NELFB: variants seen among roughly 807,000 people sequenced by gnomAD.
The protein encoded by NELFB is negative elongation factor B.
In NELFB, 34 loss-of-function variants were observed where a neutral mutation model predicts 60.2. The observed-to-expected ratio is 0.56, with a 90% CI of 0.43 to 0.75. NELFB has a LOEUF of 0.75. Among genes scored for constraint, NELFB ranks in the 30% least tolerant of loss-of-function variants. The probability of loss-of-function intolerance (pLI) is 0.00; values close to 1 mark genes in which losing one functional copy is unlikely to be tolerated. For synonymous variants in NELFB, 459 were observed against 382.1 expected, an observed-to-expected ratio of 1.20 and a Z score of -2.35; for missense variants, 770 against 831.6, an observed-to-expected ratio of 0.93 and a Z score of 0.91.
Position 137,263,151 on chromosome 9 carries a change from C to T in NELFB, c.856C>T (p.Arg286Trp), listed in dbSNP as rs747787183. ...GCGGAATGTGCACTACTGCACGCTG[C>T]GGGCTGAGCTGCTCATGTCCCTGCA... Residue 286 changes from arginine (R) to tryptophan (W), a missense_variant, in exon 5 of 13, where the codon CGG (arginine) becomes TGG (tryptophan). By Grantham distance (101) the Arg-to-Trp change is moderately radical. Coordinates refer to ENST00000343053, the MANE Select transcript of NELFB (RefSeq NM_015456.5). 8.1e-6 allele frequency: 13 copies of T among 1,613,856 alleles called. No homozygotes were observed. Among genetic ancestry groups the T allele is most frequent in the African/African-American group, 1.3e-5 (1 of 74,900 alleles).
intron 10 of NELFB, among the ~76,000 whole-genome samples, chr9:137,271,450 AG>A (rs1830582919): frequency 6.6e-6 from 1 of 152,206 alleles, no homozygotes; most frequent in African/African-American, 2.4e-5. Context: ...CCCTCCCTGC[AG>A]GGGCCCCGTT....
chr9:137,261,910 A>G lies in NELFB; in HGVS notation c.742-1127A>G, dbSNP rs370182190. Among the ~76,000 whole-genome samples, 24 of 152,130 alleles carry G rather than the reference A, an allele frequency of 1.6e-4. No homozygotes were observed. The East Asian group carries it at 3.7e-3, about 23-fold the overall frequency. ...GGGTAAAGAGTGTGAGCCATCTCCA[A>G]TGATAGGTAAGGTCACGTGGTTCAC... On this transcript the variant is annotated intron_variant, in intron 4 of 12. Coordinates refer to ENST00000343053, the MANE Select transcript of NELFB (RefSeq NM_015456.5).
At chr9:137,260,215 ATG>A (rs1385759848) in intron 4 of NELFB, among the ~76,000 whole-genome samples, 2 of 143,344 alleles carry the variant, frequency 1.4e-5, no homozygotes, top group Admixed American at 7.0e-5. Context: ...ACGCCCAGCT[ATG>A]TTTTTTGTAT....
rs1414168211 is a variant in NELFB at position 137,269,681 on chromosome 9, C to T, written c.1489+2335C>T. ...CTAGCTCAGGGGCATGAGGCCATGG[C>T]CCAGCCCAGTGTGCAGTGGGTGGCA... On this transcript the variant is annotated intron_variant, in intron 10 of 12. Transcript: ENST00000343053. The surrounding 1 kb of genome is among the most constrained non-coding windows in gnomAD (Gnocchi z 5.3). Among the ~76,000 whole-genome samples the T allele has an allele frequency of 6.6e-6, 1 of 152,262 alleles. No individual in the cohort carries two copies. The highest frequency in any genetic ancestry group is 1.5e-5 in the Non-Finnish European group (1 of 68,048).
chr9:137,264,284 G>T lies in NELFB; in HGVS notation c.967G>T (p.Val323Leu). Residue 323 changes from valine (V) to leucine (L), a missense_variant, in exon 6 of 13, where the codon GTG (valine) becomes TTG (leucine). Physicochemically the swap from Val to Leu is conservative, Grantham distance 32. Transcript: ENST00000343053. ...GGACGCCTGCATCCGAGAGCGGTTC[G>T]TGGACAGCAAGAGGGCGCGGGAGCT... The T allele has an allele frequency of 6.2e-7, 1 of 1,604,548 alleles. No individual in the cohort carries two copies. Among genetic ancestry groups the T allele is most frequent in the South Asian group, 1.1e-5 (1 of 88,866 alleles).
intron 10 of NELFB, among the ~76,000 whole-genome samples, chr9:137,271,547 A>G (rs1186868795): frequency 1.3e-5 from 2 of 152,222 alleles, no homozygotes; most frequent in South Asian, 2.1e-4. Context: ...TGTGGGCACG[A>G]ATGCTGTCTT....
intron 4 of NELFB, among the ~76,000 whole-genome samples, chr9:137,257,333 T>C (rs561207531): frequency 6.6e-6 from 1 of 152,230 alleles, no homozygotes; most frequent in Non-Finnish European, 1.5e-5. Context: ...CCCCTACTTT[T>C]TTTCTTTTTC....
intron 6 of NELFB, among the ~76,000 whole-genome samples, chr9:137,265,440 G>A (rs573808208): frequency 7.5e-6 from 1 of 134,026 alleles, no homozygotes; most frequent in South Asian, 2.4e-4. Context: ...CCAGGCTGGA[G>A]TGCAGTGACG....
chr9:137,271,223 G>A (rs1368673694), intron 10 of NELFB, among the ~76,000 whole-genome samples: 1 of 152,274 alleles, frequency 6.6e-6, no homozygotes, highest in African/African-American at 2.4e-5. Flanking sequence ...CATGTGGCCG[G>A]CCAAGGCCCT....
intron 7 of NELFB, 27 bp downstream of exon 7, chr9:137,266,006 T>G: frequency 6.5e-7 from 1 of 1,548,904 alleles, no homozygotes; most frequent in South Asian, 1.1e-5. Context: ...CCAGCAGCTG[T>G]CGGGGCCATG....
chr9:137,256,249 C>T, intron 2 of NELFB, 80 bp from the exon 3 acceptor site: 1 of 1,438,428 alleles, frequency 7.0e-7, no homozygotes, highest in Non-Finnish European at 9.7e-7. Flanking sequence ...GTCCTGGTAG[C>T]TGTTATCTGT....
chr9:137,272,532 C>T lies in NELFB; in HGVS notation c.1657C>T (p.Leu553=). ...GAAGGAGAACGTGCACCGGCACGCG[C>T]TGCGGCTCCTCATTCACCTGCACCC... Residue 553 remains leucine, a synonymous_variant, in exon 12 of 13, where the codon CTG becomes TTG. Coordinates refer to ENST00000343053, the MANE Select transcript of NELFB (RefSeq NM_015456.5). The T allele has an allele frequency of 6.2e-7, 1 of 1,612,456 alleles. No individual in the cohort carries two copies. Among genetic ancestry groups the T allele is most frequent in the Non-Finnish European group, 8.5e-7 (1 of 1,179,668 alleles).
At chr9:137,259,609 T>C (rs1355284030) in intron 4 of NELFB, among the ~76,000 whole-genome samples, 1 of 152,202 alleles carries the variant, frequency 6.6e-6, no homozygotes, top group East Asian at 1.9e-4. Context: ...TCAGTCGGCT[T>C]GGTCGGCTTA....
chr9:137,259,709 T>A (rs1830402755), intron 4 of NELFB, among the ~76,000 whole-genome samples: 2 of 150,892 alleles, frequency 1.3e-5, no homozygotes, highest in Admixed American at 1.3e-4. Context: ...AATTTATTTT[T>A]TATTTTTTTA....
In NELFB at chr9:137,265,896, T is replaced by A; in HGVS notation, c.1060T>A (p.Cys354Ser). The A allele has an allele frequency of 1.2e-6, 2 of 1,613,020 alleles. No homozygotes were observed. The highest frequency in any genetic ancestry group is 1.7e-6 in the Non-Finnish European group (2 of 1,179,780). The stretch of plus-strand genomic sequence containing the variant: ...TTCCAGGGACCTGTCCATGATCCTG[T>A]GTGACCCCTTCGCCATCAACACGCT... The change falls in exon 7 of 13, where the codon TGT (cysteine) becomes AGT (serine). Residue 354 changes from cysteine (C) to serine (S), a missense_variant. By Grantham distance (112) the Cys-to-Ser change is moderately radical. Coordinates refer to ENST00000343053, the MANE Select transcript of NELFB (RefSeq NM_015456.5).
chr9:137,272,748 C>T (rs574904965), intron 12 of NELFB, 34 bp from the exon 13 acceptor site: 28 of 1,523,360 alleles, frequency 1.8e-5, no homozygotes, highest in East Asian at 7.4e-5. Context: ...CCTGCCCATG[C>T]GCCTCGCCTG....
At chr9:137,262,300 C>T (rs1201161401) in intron 4 of NELFB, among the ~76,000 whole-genome samples, 2 of 152,188 alleles carry the variant, frequency 1.3e-5, no homozygotes, top group Admixed American at 6.5e-5. Flanking sequence ...GTTGTTCCTT[C>T]ACATTTTTCG....
Position 137,264,423 on chromosome 9 carries a change from G to A in NELFB, c.1040+66G>A, listed in dbSNP as rs1192503641. On this transcript the variant is annotated intron_variant, in intron 6 of 12. Transcript: ENST00000343053. ...TGCGTGCATCCGGTCTGCGCTTGCT[G>A]TGTTTTGCCGTGGGTAGCAGGCGTT... is the stretch of plus-strand genomic sequence containing the variant. The A allele has an allele frequency of 3.5e-6, 4 of 1,142,366 alleles. No homozygotes were observed. In the East Asian group the frequency reaches 7.7e-5, roughly 22 times the overall value. 70.8% of individuals were successfully genotyped at this position (1,142,366 alleles called of 1,614,324 possible).
intron 10 of NELFB, among the ~76,000 whole-genome samples, chr9:137,270,182 T>C (rs760070673): frequency 1.3e-4 from 19 of 151,610 alleles, no homozygotes; most frequent in Non-Finnish European, 2.1e-4. Context: ...GAAGGATGCG[T>C]TTACAGGAGA....
Sources: gnomAD v4.1 joint callset for allele counts (sites outside exome capture counted in the v4.1 genomes callset) on GRCh38, gnomAD v4.1.1 for gene constraint, Gnocchi (gnomAD v3.1) non-coding constraint, MANE v1.5 for transcripts, NCBI Gene and HGNC (gene_info 2026-07-23, HGNC 2026-07-21) for gene names.